OR13A1: variants seen among roughly 807,000 people sequenced by gnomAD.
OR13A1 encodes olfactory receptor 13A1.
OR13A1 carries 10 observed loss-of-function variants against 7.5 expected under a neutral mutation model. That is an observed-to-expected ratio of 1.34 (90% confidence interval 0.83 to 2.27). OR13A1 has a LOEUF of 2.27. Ranked by LOEUF, OR13A1 falls within the 30% of genes most tolerant of loss-of-function variation. The pLI, the probability that OR13A1 is intolerant of heterozygous loss-of-function variation, is 0.00. For synonymous variants in OR13A1, 238 were observed against 177.9 expected (o/e 1.34, Z -2.69); for missense variants, 509 against 419.1 (o/e 1.21, Z -1.87).
chr10:45,304,448 C>G lies in OR13A1; in HGVS notation c.-12-14G>C, dbSNP rs777537046. On this transcript the variant is annotated splice_polypyrimidine_tract_variant and intron_variant, in intron 3 of 3. Transcript: ENST00000553795. ...GTGATTTCAGAGCTAGAGAGATAAA[C>G]AAGAGGTGTCCTGAGGAAGGCTGCT... 1.1e-5 allele frequency: 17 copies of G among 1,592,350 alleles called. No individual in the cohort carries two copies. Among genetic ancestry groups the G allele is most frequent in the Admixed American group, 1.7e-5 (1 of 58,510 alleles).
chr10:45,303,667 C>T lies in OR13A1; in HGVS notation c.756G>A (p.Arg252=), dbSNP rs141754377. 2.3e-5 allele frequency: 37 copies of T among 1,614,064 alleles called. 1 individual carries two copies. Among genetic ancestry groups the T allele is most frequent in the Middle Eastern group, 3.3e-4 (2 of 6,084 alleles). The change falls in exon 4 of 4, where the codon AGG becomes AGA. Residue 252 remains arginine (R), a synonymous_variant. Transcript: ENST00000553795. ...AAGAGCAGGTGGAGAAGGCTTTCTG[C>T]CTCCCCCAGGCAGTCTTCACCTTCA... ...SILKVKTAWG[R]QKAFSTCSSH... is the part of the protein sequence containing the mutation.
chr10:45,303,720 AC>A lies in OR13A1; in HGVS notation c.702del (p.Ser235ProfsTer10), dbSNP rs1365961514. 1.2e-6 allele frequency: 2 copies of A among 1,614,068 alleles called. No homozygotes were observed. The highest frequency in any genetic ancestry group is 2.7e-5 in the African/African-American group (2 of 74,928). ...YGIVNFLMTIASYGFIVSSIL... is the reference protein window; with the variant it reads ...YGIVNFLMTIXSYGFIVSSIL... ...ATGCTGGAGACGATGAAGCCATAGG[AC>A]GCGATGGTCATCAGGAAGTTCACTA... On this transcript the variant is annotated frameshift_variant, in exon 4 of 4. Transcript: ENST00000553795. LOFTEE classifies it low-confidence loss of function (END_TRUNC).
At chr10:45,304,475 C>T in intron 3 of OR13A1, 41 bp from the exon 4 acceptor site, 2 of 1,540,272 alleles carry the variant, frequency 1.3e-6, no homozygotes, top group Non-Finnish European at 1.8e-6. Flanking sequence ...AAGGCTGCTC[C>T]CGTGTTTCTT....
At chr10:45,309,248 G>A (rs1838396729) in intron 1 of OR13A1, among the ~76,000 whole-genome samples, 1 of 152,088 alleles carries the variant, frequency 6.6e-6, no homozygotes, top group Admixed American at 6.5e-5. Flanking sequence ...AGCATTTCTG[G>A]ACTGCTATCC....
intron 1 of OR13A1, among the ~76,000 whole-genome samples, chr10:45,314,994 A>G (rs1158800297): frequency 1.3e-5 from 2 of 152,260 alleles, no homozygotes; most frequent in Non-Finnish European, 2.9e-5. Flanking sequence ...AATGTTTCTC[A>G]AAGTCATTTA....
rs1838365329 is a variant in OR13A1, at chr10:45,307,814, G to A, written c.-224-6C>T. The A allele has an allele frequency of 1.3e-5, 2 of 152,128 alleles. No individual in the cohort carries two copies. The highest frequency in any genetic ancestry group is 3.4e-3 in the Middle Eastern group (1 of 294). The allele number at this position is 152,128 out of a possible 1,614,324, so 9.4% of individuals were successfully genotyped here. A position where few individuals can be genotyped will look rare whatever the true frequency, so the allele number is the denominator to read the frequency against. On this transcript the variant is annotated splice_region_variant and splice_polypyrimidine_tract_variant and intron_variant, in intron 1 of 3. Coordinates refer to ENST00000553795, the MANE Select transcript of OR13A1 (RefSeq NM_001004297.3). ...ACCCTTGGGCACTCAAGCTTCTGAA[G>A]GGGGAAAAAAGGCATCTTGGATTAC...
chr10:45,303,244 G>C lies in OR13A1; in HGVS notation c.*192C>G, dbSNP rs1053239021. The stretch of plus-strand genomic sequence containing the variant: ...TCAGACCAAGAGATCTGGTGTCTCA[G>C]AGGCTGGTGGGTCACACCTACCGCA... On this transcript the variant is annotated 3_prime_UTR_variant, in exon 4 of 4. Transcript: ENST00000553795. 1 of 601,850 alleles carries C rather than the reference G, an allele frequency of 1.7e-6. No homozygotes were observed. Among genetic ancestry groups the C allele is most frequent in the African/African-American group, 1.8e-5 (1 of 54,098 alleles). The allele number at this position is 601,850 out of a possible 1,614,324, so 37.3% of individuals were successfully genotyped here.
Position 45,303,649 on chromosome 10 carries a change from G to T in OR13A1, c.774C>A (p.Thr258=). 6.2e-7 allele frequency: 1 copy of T among 1,614,210 alleles called. No individual in the cohort carries two copies. The highest frequency in any genetic ancestry group is 2.2e-5 in the East Asian group (1 of 44,880). ...TAWGRQKAFS[T]CSSHLTVVCM... ...ACACCACGGTGAGGTGGGAAGAGCA[G>T]GTGGAGAAGGCTTTCTGCCTCCCCC... Residue 258 remains threonine, a synonymous_variant, in exon 4 of 4, where the codon ACC becomes ACA. Transcript: ENST00000553795.
At position 45,304,055 on chromosome 10, in the gene OR13A1, G is replaced by T. The variant is rs756006418; in HGVS notation, c.368C>A (p.Thr123Lys). 5 of 1,613,670 alleles carry T rather than the reference G, an allele frequency of 3.1e-6. No homozygotes were observed. Among genetic ancestry groups the T allele is most frequent in the Non-Finnish European group, 4.2e-6 (5 of 1,179,698 alleles). Residue 123 changes from threonine (T) to lysine (K), a missense_variant, in exon 4 of 4, where the codon ACG becomes AAG. Physicochemically the swap from Thr to Lys is moderately conservative, Grantham distance 78. Transcript: ENST00000553795. ...GGCMAQLYFL[T>K]WAASSELLLL... The stretch of plus-strand genomic sequence containing the variant: ...CAGCAGCTCTGAGGATGCAGCCCAC[G>T]TGAGGAAATAGAGCTGGGCCATGCA...
chr10:45,306,469 G>C (rs902850469), intron 3 of OR13A1, among the ~76,000 whole-genome samples: 1 of 137,338 alleles, frequency 7.3e-6, no homozygotes, highest in African/African-American at 2.8e-5. Context: ...AAAAAAAAAA[G>C]TTAACGAAGA....
intron 1 of OR13A1, among the ~76,000 whole-genome samples, chr10:45,311,021 T>C (rs866868111): frequency 6.6e-6 from 1 of 152,098 alleles, no homozygotes; most frequent in Non-Finnish European, 1.5e-5. Flanking sequence ...GAGAGTAGGA[T>C]CTGTGCTGCG....
Position 45,303,321 on chromosome 10 carries a change from A to G in OR13A1, c.*115T>C, listed in dbSNP as rs1327303680. 4 of 1,126,648 alleles carry G rather than the reference A, an allele frequency of 3.6e-6. No individual in the cohort carries two copies. Among genetic ancestry groups the G allele is most frequent in the Non-Finnish European group, 3.8e-6 (3 of 785,854 alleles). 69.8% of individuals were successfully genotyped at this position (1,126,648 alleles called of 1,614,324 possible). ...ACCAGCACTCCCAGCTCATCCATGC[A>G]CAGGTTCTGCTGGGTTAGAAAAAAC... is the stretch of plus-strand genomic sequence containing the variant. On this transcript the variant is annotated 3_prime_UTR_variant, in exon 4 of 4. Coordinates refer to ENST00000553795, the MANE Select transcript of OR13A1 (RefSeq NM_001004297.3).
rs1238178061 is a variant in OR13A1 at position 45,303,944 on chromosome 10, C to T, written c.479G>A (p.Ser160Asn). Residue 160 changes from serine (S) to asparagine (N), a missense_variant, in exon 4 of 4, where the codon AGC (serine) becomes AAC (asparagine). Ser to Asn is a conservative substitution (Grantham distance 46). Coordinates refer to ENST00000553795, the MANE Select transcript of OR13A1 (RefSeq NM_001004297.3). ...CAGCCACACGGCTGTGGCCAGCCCGCTGCAGAACACCTTGCTCATCATGCT... is the reference window on the plus strand; with the variant it reads ...CAGCCACACGGCTGTGGCCAGCCCGTTGCAGAACACCTTGCTCATCATGCT... ...YSSMMSKVFC[S>N]GLATAVWLLC... 1 of 1,613,720 alleles carries T rather than the reference C, an allele frequency of 6.2e-7. No individual in the cohort carries two copies. Among genetic ancestry groups the T allele is most frequent in the Non-Finnish European group, 8.5e-7 (1 of 1,179,980 alleles).
rs763015555 is a variant in OR13A1, at chr10:45,303,694, G to C, written c.729C>G (p.Ile243Met). 3.7e-6 allele frequency: 6 copies of C among 1,614,224 alleles called. No homozygotes were observed. Among genetic ancestry groups the C allele is most frequent in the Non-Finnish European group, 5.1e-6 (6 of 1,180,044 alleles). ...IASYGFIVSSILKVKTAWGRQ... is the reference protein window; with the variant it reads ...IASYGFIVSSMLKVKTAWGRQ... ...TCCCCCAGGCAGTCTTCACCTTCAGGATGCTGGAGACGATGAAGCCATAGG... is the reference window on the plus strand; with the variant it reads ...TCCCCCAGGCAGTCTTCACCTTCAGCATGCTGGAGACGATGAAGCCATAGG... The change falls in exon 4 of 4, where the codon ATC (isoleucine) becomes ATG (methionine). Residue 243 changes from isoleucine to methionine, a missense_variant. Transcript: ENST00000553795.
intron 3 of OR13A1, among the ~76,000 whole-genome samples, 198 bp downstream of exon 3, chr10:45,307,228 C>T (rs932337639): frequency 6.6e-6 from 1 of 152,224 alleles, no homozygotes; most frequent in Non-Finnish European, 1.5e-5. Context: ...TGTGCAGAGT[C>T]TGTCACGCAT....
chr10:45,309,715 G>T (rs370175135), intron 1 of OR13A1, among the ~76,000 whole-genome samples: 1 of 152,140 alleles, frequency 6.6e-6, no homozygotes, highest in Non-Finnish European at 1.5e-5. Context: ...CAGGATGTAC[G>T]TAGATGTATG....
chr10:45,308,074 T>C (rs1838370617), intron 1 of OR13A1, among the ~76,000 whole-genome samples: 1 of 152,226 alleles, frequency 6.6e-6, no homozygotes, highest in Admixed American at 6.5e-5. Flanking sequence ...TCTCTAAAGC[T>C]GTTCAATGAT....
chr10:45,312,430 C>A (rs1354186854), intron 1 of OR13A1, among the ~76,000 whole-genome samples: 2 of 151,832 alleles, frequency 1.3e-5, no homozygotes, highest in African/African-American at 4.8e-5. Flanking sequence ...AGCAAGAAGA[C>A]AGTAGAGAAA....
chr10:45,308,623 G>A (rs1209110764), intron 1 of OR13A1: 2 of 152,086 alleles, frequency 1.3e-5, no homozygotes, highest in Non-Finnish European at 2.9e-5. Context: ...TTTTATATAA[G>A]CAAATTAAGC....
Sources: gnomAD v4.1 joint callset for allele counts (sites outside exome capture counted in the v4.1 genomes callset) on GRCh38, gnomAD v4.1.1 for gene constraint, MANE v1.5 for transcripts, NCBI Gene and HGNC (gene_info 2026-07-23, HGNC 2026-07-21) for gene names.